MACF1: variants seen among roughly 807,000 people sequenced by gnomAD.
MACF1 encodes microtubule actin crosslinking factor 1.
A neutral mutation model predicts 854.8 loss-of-function variants in MACF1; 193 were observed. That is an observed-to-expected ratio of 0.23 (90% confidence interval 0.20 to 0.25). The LOEUF (loss-of-function observed/expected upper bound fraction) is 0.25, where lower values mean the gene tolerates loss of function less well. Among genes scored for constraint, MACF1 ranks in the 10% least tolerant of loss-of-function variants. The pLI, the probability that MACF1 is intolerant of heterozygous loss-of-function variation, is 1.00. For synonymous variants in MACF1, 3,185 were observed against 3,226.7 expected, an observed-to-expected ratio of 0.99 and a Z score of 0.44; for missense variants, 7,722 against 8,929.1, an observed-to-expected ratio of 0.86 and a Z score of 5.45.
At chr1:39,372,224 A>G (rs755038861) in intron 51 of MACF1, among the ~76,000 whole-genome samples, 3 of 152,214 alleles carry the variant, frequency 2.0e-5, no homozygotes, top group Non-Finnish European at 2.9e-5. Context: ...AGCATTTATC[A>G]CATTATAATG....
intron 2 of MACF1, among the ~76,000 whole-genome samples, chr1:39,238,934 C>A (rs1206926561): frequency 6.6e-6 from 1 of 152,126 alleles, no homozygotes; most frequent in Non-Finnish European, 1.5e-5. Context: ...CTTTGCTCCC[C>A]AAGTACACCC....
intron 14 of MACF1, 105 bp downstream of exon 14, chr1:39,285,863 T>A: frequency 1.5e-6 from 2 of 1,303,468 alleles, no homozygotes; most frequent in South Asian, 1.4e-5. Context: ...ACCTGGACAT[T>A]TGAGGTCAGT....
intron 56 of MACF1, 54 bp downstream of exon 56, chr1:39,382,206 T>C: frequency 6.6e-7 from 1 of 1,510,238 alleles, no homozygotes; most frequent in South Asian, 1.2e-5. Flanking sequence ...GGTTTGAATG[T>C]TTCTCCCAGT....
At chr1:39,327,965 A>G (rs539774964) in intron 36 of MACF1, among the ~76,000 whole-genome samples, 2 of 152,212 alleles carry the variant, frequency 1.3e-5, no homozygotes, top group South Asian at 4.2e-4. Context: ...GTGTGTGTAC[A>G]CTTACCATAT....
chr1:39,306,781 G>A (rs1307091557), intron 23 of MACF1, among the ~76,000 whole-genome samples: 1 of 151,476 alleles, frequency 6.6e-6, no homozygotes, highest in African/African-American at 2.4e-5. Context: ...GGCTGAGTAG[G>A]AGGTAAATTT....
rs192161782 is a variant in MACF1 at position 39,244,120 on chromosome 1, G to T, written c.172-5894G>T. On this transcript the variant is annotated intron_variant, in intron 2 of 100. Transcript: ENST00000564288. ...TATTTTTTATTAAAAATTTTTTTTG[G>T]GGGGGACAGAGTCTCACTCTGTTGC... is the stretch of plus-strand genomic sequence containing the variant. Among the ~76,000 whole-genome samples, 252 of 151,154 alleles carry T rather than the reference G, an allele frequency of 1.7e-3. 2 individuals carry two copies. Among genetic ancestry groups the T allele is most frequent in the African/African-American group, 3.6e-3 (148 of 41,198 alleles).
chr1:39,109,771 G>A (rs1286226214), intron 2 of MACF1, among the ~76,000 whole-genome samples: 1 of 152,156 alleles, frequency 6.6e-6, no homozygotes, highest in Non-Finnish European at 1.5e-5. Flanking sequence ...CCAGATTTCT[G>A]GGTGAAGGTT....
intron 1 of MACF1, among the ~76,000 whole-genome samples, chr1:39,206,052 C>T (rs1644446623): frequency 6.6e-6 from 1 of 152,162 alleles, no homozygotes; most frequent in African/African-American, 2.4e-5. Context: ...TATAGTGTAT[C>T]TTACAAGTTA....
At chr1:39,136,542 C>A (rs1643174006) in intron 2 of MACF1, among the ~76,000 whole-genome samples, 1 of 152,106 alleles carries the variant, frequency 6.6e-6, no homozygotes, top group African/African-American at 2.4e-5. Flanking sequence ...GATTTTTTGC[C>A]CAGTTGCTCA....
chr1:39,094,437 T>C (rs1641887408), intron 2 of MACF1, among the ~76,000 whole-genome samples: 1 of 143,260 alleles, frequency 7.0e-6, no homozygotes, highest in South Asian at 2.2e-4. Flanking sequence ...AAGAAAGAAA[T>C]CGGGCCGCGC....
At chr1:39,221,526 C>T (rs890114883) in intron 1 of MACF1, among the ~76,000 whole-genome samples, 9 of 152,208 alleles carry the variant, frequency 5.9e-5, no homozygotes, top group African/African-American at 1.9e-4. Flanking sequence ...AATGTACCCT[C>T]ACCAAATCGG....
intron 18 of MACF1, 63 bp downstream of exon 18, chr1:39,293,682 C>T: frequency 6.6e-7 from 1 of 1,511,570 alleles, no homozygotes; most frequent in Non-Finnish European, 8.9e-7. Context: ...GAGACAGGGC[C>T]TAGTCTGCTG....
At chr1:39,435,821 C>G (rs1363472796) in intron 70 of MACF1, 60 bp downstream of exon 70, 8 of 1,473,976 alleles carry the variant, frequency 5.4e-6, no homozygotes, top group Non-Finnish European at 7.5e-6. Flanking sequence ...CAAGAGGTCT[C>G]TGTATCAGGT....
At chr1:39,260,468 G>C (rs971061234) in intron 6 of MACF1, 1 of 151,646 alleles carries the variant, frequency 6.6e-6, no homozygotes, top group East Asian at 1.9e-4. Flanking sequence ...AGGTTCAAGC[G>C]ATTCTCCTGC....
intron 2 of MACF1, among the ~76,000 whole-genome samples, chr1:39,194,643 A>C (rs907589818): frequency 6.6e-6 from 1 of 151,620 alleles, no homozygotes; most frequent in African/African-American, 2.4e-5. Flanking sequence ...ATGCCCAGCC[A>C]AAAGTGGAAT....
chr1:39,431,452 G>A (rs1424876061), intron 66 of MACF1, among the ~76,000 whole-genome samples: 2 of 152,008 alleles, frequency 1.3e-5, no homozygotes, highest in East Asian at 1.9e-4. Flanking sequence ...TTAATGTGCC[G>A]TAGTACAAAA....
At chr1:39,161,494 A>G (rs2148208724) in intron 2 of MACF1, among the ~76,000 whole-genome samples, 1 of 152,160 alleles carries the variant, frequency 6.6e-6, no homozygotes. Context: ...AGTTGAGGCT[A>G]GGAGTTTGAG....
rs34930273 is a variant in MACF1 at position 39,307,901 on chromosome 1, CTTTT to C, written c.2790-1651_2790-1648del. Among the ~76,000 whole-genome samples the C allele has an allele frequency of 1.6e-4, 8 of 50,402 alleles. No individual in the cohort carries two copies. In the Admixed American group the frequency reaches 1.8e-3, roughly 11 times the overall value. The allele number at this position is 50,402 out of a possible 152,430, so 33.1% of individuals were successfully genotyped here. On this transcript the variant is annotated intron_variant, in intron 23 of 100. Transcript: ENST00000564288. Reference sequence around the variant, plus strand: ...TTATTTCTCTTTTCTTTCTTTCTTTCTTTTTTTTTTTTTTTTTTTTTGAGATGGA... The same window carrying C: ...TTATTTCTCTTTTCTTTCTTTCTTTCTTTTTTTTTTTTTTTTTGAGATGGA...
intron 37 of MACF1, 36 bp downstream of exon 37, chr1:39,336,689 A>G: frequency 6.5e-7 from 1 of 1,530,694 alleles, no homozygotes; most frequent in South Asian, 1.3e-5. Flanking sequence ...CTTCCTAAAG[A>G]TACAATTAGT....
Sources: allele counts gnomAD v4.1 joint callset (sites outside exome capture counted in the v4.1 genomes callset), GRCh38; gene constraint gnomAD v4.1.1; transcripts MANE v1.5; gene names NCBI Gene and HGNC (gene_info 2026-07-23, HGNC 2026-07-21).